Variants in AUTS2 observed in about 807,000 individuals in gnomAD.
AUTS2 encodes the protein autism susceptibility gene 2 protein.
In AUTS2, 17 loss-of-function variants were observed where a neutral mutation model predicts 112.4. The ratio of observed to expected loss-of-function variants is 0.15; its 90% confidence interval spans 0.10 to 0.23. The LOEUF (loss-of-function observed/expected upper bound fraction) is 0.23. Among genes scored for constraint, AUTS2 ranks in the 10% least tolerant of loss-of-function variants. The pLI, the probability that AUTS2 is intolerant of heterozygous loss-of-function variation, is 1.00. For synonymous variants in AUTS2, 751 were observed against 702.7 expected (o/e 1.07, Z -1.09); for missense variants, 1,510 against 1,701.6 (o/e 0.89, Z 1.98).
At chr7:70,078,951 A>G (rs1304428629) in intron 2 of AUTS2, among the ~76,000 whole-genome samples, 2 of 152,218 alleles carry the variant, frequency 1.3e-5, no homozygotes, top group Admixed American at 6.5e-5. Flanking sequence ...ATAACTGTTA[A>G]TGTCAAGACT....
intron 1 of AUTS2, among the ~76,000 whole-genome samples, chr7:69,704,591 A>G (rs749337881): frequency 1.2e-4 from 19 of 152,046 alleles, no homozygotes; most frequent in Non-Finnish European, 2.5e-4. Flanking sequence ...TTATAGCCTA[A>G]TTTTCAGGCT....
At chr7:69,885,634 A>G (rs1006914242) in intron 1 of AUTS2, among the ~76,000 whole-genome samples, 1 of 152,222 alleles carries the variant, frequency 6.6e-6, no homozygotes, top group Admixed American at 6.5e-5. Flanking sequence ...ATTAGAGCCA[A>G]GGGACTCTGG....
rs139182110 is a variant in AUTS2, at chr7:69,961,175, G to A, written c.522+61677G>A. Among the ~76,000 whole-genome samples, 364 of 152,186 alleles carry A rather than the reference G, an allele frequency of 2.4e-3. 1 individual carries two copies. Among genetic ancestry groups the A allele is most frequent in the Non-Finnish European group, 3.5e-3 (236 of 67,992 alleles). The stretch of plus-strand genomic sequence containing the variant: ...TGTAAAATCTTTACATTTTGTGTTT[G>A]GCTACCAGTGTCTCCACAGAGTCTT... On this transcript the variant is annotated intron_variant, in intron 2 of 18. Transcript: ENST00000342771.
intron 1 of AUTS2, among the ~76,000 whole-genome samples, chr7:69,831,194 AG>A (rs1226291906): frequency 1.3e-5 from 2 of 152,056 alleles, no homozygotes; most frequent in Non-Finnish European, 2.9e-5. Flanking sequence ...TTTCTTTTGA[AG>A]GAATAAGAAC....
intron 2 of AUTS2, among the ~76,000 whole-genome samples, chr7:69,914,390 C>CACACACACAG (rs1554403938): frequency 6.6e-6 from 1 of 151,166 alleles, no homozygotes; most frequent in Admixed American, 6.6e-5. Context: ...CACACACACA[C>CACACACACAG]ACACAAACAA....
chr7:70,251,077 T>G (rs530035341), intron 4 of AUTS2, among the ~76,000 whole-genome samples: 174 of 152,302 alleles, frequency 1.1e-3, no homozygotes, highest in Non-Finnish European at 1.9e-3. Context: ...TCTTTTTTTT[T>G]TTGTTGAGAC....
chr7:70,205,347 A>G (rs188368362), intron 4 of AUTS2, among the ~76,000 whole-genome samples: 30 of 152,224 alleles, frequency 2.0e-4, no homozygotes, highest in Admixed American at 1.6e-3. Flanking sequence ...AGTCCCACCA[A>G]TCTATTATTA....
At chr7:69,965,240 G>C (rs903311788) in intron 2 of AUTS2, among the ~76,000 whole-genome samples, 1 of 151,898 alleles carries the variant, frequency 6.6e-6, no homozygotes, top group African/African-American at 2.4e-5. Context: ...TACAAAACTT[G>C]GTTGTGTTGG....
intron 2 of AUTS2, among the ~76,000 whole-genome samples, chr7:70,028,820 T>C (rs1454099657): frequency 6.6e-6 from 1 of 152,182 alleles, no homozygotes; most frequent in African/African-American, 2.4e-5. Context: ...ATGAAATACT[T>C]ATCTACCCTG....
intron 6 of AUTS2, among the ~76,000 whole-genome samples, chr7:70,702,636 A>G (rs1809519152): frequency 6.6e-6 from 1 of 152,050 alleles, no homozygotes; most frequent in South Asian, 2.1e-4. Context: ...GCTTCTTTCT[A>G]CTGTGGGCAC....
intron 18 of AUTS2, among the ~76,000 whole-genome samples, chr7:70,789,496 C>G (rs1245482769): frequency 1.3e-5 from 2 of 152,100 alleles, no homozygotes; most frequent in Non-Finnish European, 2.9e-5. Context: ...CAGAGAGATT[C>G]TTGCTCCCAG....
chr7:70,288,178 C>T (rs533269877), intron 4 of AUTS2, among the ~76,000 whole-genome samples: 9 of 152,106 alleles, frequency 5.9e-5, no homozygotes, highest in African/African-American at 2.2e-4. Context: ...TTTGGGAGGC[C>T]GAGGCGAGTG....
chr7:69,612,627 TTTA>T (rs561249077), intron 1 of AUTS2, among the ~76,000 whole-genome samples: 132 of 152,194 alleles, frequency 8.7e-4, no homozygotes, highest in African/African-American at 3.0e-3. Flanking sequence ...GCCTGGCTAA[TTTA>T]TTATTTGTAG....
chr7:70,021,174 G>GT (rs1368076355), intron 2 of AUTS2, among the ~76,000 whole-genome samples: 3 of 151,926 alleles, frequency 2.0e-5, no homozygotes, highest in Non-Finnish European at 4.4e-5. Context: ...TAGAGACGGG[G>GT]TTTCTGTATG....
intron 2 of AUTS2, among the ~76,000 whole-genome samples, chr7:70,050,708 A>G (rs1371362737): frequency 6.6e-6 from 1 of 151,674 alleles, no homozygotes; most frequent in Non-Finnish European, 1.5e-5. Context: ...TAAATAGCTA[A>G]TTGAAGCCAG....
At chr7:70,774,200 G>T in intron 12 of AUTS2, 101 bp downstream of exon 12, 1 of 1,083,288 alleles carries the variant, frequency 9.2e-7, no homozygotes. Context: ...TCCTTTGAGC[G>T]AGCTGCTGTT....
chr7:70,697,636 A>T (rs1007967449), intron 5 of AUTS2, among the ~76,000 whole-genome samples: 2 of 139,486 alleles, frequency 1.4e-5, no homozygotes, highest in Non-Finnish European at 3.0e-5. Flanking sequence ...CAGAATATGC[A>T]TCTCTGTGTA....
chr7:70,004,157 T>A (rs922107730), intron 2 of AUTS2, among the ~76,000 whole-genome samples: 1 of 132,436 alleles, frequency 7.6e-6, no homozygotes. Context: ...ATGTGTTATA[T>A]GTGAATATAT....
intron 2 of AUTS2, among the ~76,000 whole-genome samples, chr7:69,934,716 G>C (rs1346645129): frequency 2.0e-5 from 3 of 152,186 alleles, no homozygotes; most frequent in Admixed American, 2.0e-4. Context: ...ACCACAACCA[G>C]ATACTGGTGC....
Sources: gnomAD v4.1 joint callset for allele counts (sites outside exome capture counted in the v4.1 genomes callset) on GRCh38, gnomAD v4.1.1 for gene constraint, MANE v1.5 for transcripts, NCBI Gene and HGNC (gene_info 2026-07-23, HGNC 2026-07-21) for gene names.